PTPN1: variants seen among roughly 807,000 people sequenced by gnomAD.
PTPN1 encodes the protein tyrosine-protein phosphatase non-receptor type 1.
A neutral mutation model predicts 59.9 loss-of-function variants in PTPN1; 12 were observed. The observed-to-expected ratio is 0.20, with a 90% CI of 0.13 to 0.32. PTPN1 has a LOEUF of 0.32. PTPN1 is among the 10% of genes least tolerant of loss of function. The pLI is 1.00. For missense variants in PTPN1, 356 were observed against 549.2 expected (o/e 0.65, Z 3.52); for synonymous variants, 178 against 203.6 (o/e 0.87, Z 1.07).
At chr20:50,523,098 C>T (rs180808615) in intron 1 of PTPN1, among the ~76,000 whole-genome samples, 22 of 152,062 alleles carry the variant, frequency 1.4e-4, no homozygotes, top group African/African-American at 4.6e-4. Flanking sequence ...TATGCCTTAC[C>T]GTCTCAGATC....
At chr20:50,541,246 A>G (rs967303213) in intron 1 of PTPN1, among the ~76,000 whole-genome samples, 4 of 152,204 alleles carry the variant, frequency 2.6e-5, no homozygotes, top group Non-Finnish European at 4.4e-5. Context: ...TGACTTGGTC[A>G]CTGGTACTTT....
intron 1 of PTPN1, among the ~76,000 whole-genome samples, chr20:50,512,806 G>A (rs2082513157): frequency 6.6e-6 from 1 of 152,118 alleles, no homozygotes; most frequent in South Asian, 2.1e-4. Flanking sequence ...GGTGTGTATC[G>A]CTTTACCAAA....
At chr20:50,526,802 A>C (rs1049679591) in intron 1 of PTPN1, among the ~76,000 whole-genome samples, 1 of 151,512 alleles carries the variant, frequency 6.6e-6, no homozygotes, top group Admixed American at 6.6e-5. Context: ...CTGCCTCTCC[A>C]CTGTACTTGT....
intron 8 of PTPN1, among the ~76,000 whole-genome samples, chr20:50,580,776 GT>G (rs1568799001): frequency 6.6e-6 from 1 of 152,214 alleles, no homozygotes; most frequent in African/African-American, 2.4e-5. Context: ...TTGTGGCATT[GT>G]TTGTAGTAGT....
chr20:50,577,360 C>T (rs573376161), intron 5 of PTPN1: 6 of 152,344 alleles, frequency 3.9e-5, no homozygotes, highest in South Asian at 4.1e-4. Context: ...ATCAGCTGCT[C>T]GCCAGGTGGC....
At position 50,541,623 on chromosome 20, in the gene PTPN1, T is replaced by G. The variant is rs76214947; in HGVS notation, c.64-19740T>G. On this transcript the variant is annotated intron_variant, in intron 1 of 9. Coordinates refer to ENST00000371621, the MANE Select transcript of PTPN1 (RefSeq NM_002827.4). ...CGTAGTATGGCGTGAGCTTCCTCTC[T>G]CCTTTCTGACCTTTTGTGTGATGGC... Among the ~76,000 whole-genome samples the G allele has an allele frequency of 7.7e-3, 1,179 of 152,232 alleles. 8 individuals are homozygous for G. Among genetic ancestry groups the G allele is most frequent in the Non-Finnish European group, 0.012 (833 of 68,000 alleles).
chr20:50,544,655 A>G (rs2082666988), intron 1 of PTPN1, among the ~76,000 whole-genome samples: 1 of 152,212 alleles, frequency 6.6e-6, no homozygotes, highest in African/African-American at 2.4e-5. Context: ...CCACTGGGCC[A>G]GCGGGGCTCA....
intron 1 of PTPN1, among the ~76,000 whole-genome samples, chr20:50,547,373 C>CT (rs35446030): frequency 0.055 from 8,133 of 147,154 alleles, 254 homozygotes; most frequent in Non-Finnish European, 0.074. Context: ...TCTGCATTAA[C>CT]TTTTTTTTTT....
chr20:50,569,315 A>G lies in PTPN1; in HGVS notation c.354+837A>G, dbSNP rs115755510. ...CACTCTTGGAACTTTAGCCAGGACAAAGTTTTCTGTTTTTAGTTTCTTACC... is the reference window on the plus strand; with the variant it reads ...CACTCTTGGAACTTTAGCCAGGACAGAGTTTTCTGTTTTTAGTTTCTTACC... On this transcript the variant is annotated intron_variant, in intron 4 of 9. Transcript: ENST00000371621. 7.7e-3 allele frequency among the ~76,000 whole-genome samples: 1,179 copies of G among 152,242 alleles called. 12 individuals carry two copies. Among genetic ancestry groups the G allele is most frequent in the African/African-American group, 0.027 (1,132 of 41,528 alleles).
intron 1 of PTPN1, among the ~76,000 whole-genome samples, chr20:50,543,593 T>C (rs548650172): frequency 6.6e-6 from 1 of 152,304 alleles, no homozygotes; most frequent in South Asian, 2.1e-4. Flanking sequence ...ACACCAAGCA[T>C]AGTAGAACTG....
intron 1 of PTPN1, among the ~76,000 whole-genome samples, chr20:50,560,269 T>C (rs111591346): frequency 3.3e-5 from 5 of 152,254 alleles, no homozygotes; most frequent in African/African-American, 1.2e-4. Flanking sequence ...CTGCAGTTCA[T>C]AGACCTTCTG....
chr20:50,526,423 C>G (rs79902310), intron 1 of PTPN1, among the ~76,000 whole-genome samples: 2 of 151,974 alleles, frequency 1.3e-5, no homozygotes. Context: ...TTCCCTACTC[C>G]CCTTAGTTTA....
At chr20:50,544,716 C>T (rs6126040) in intron 1 of PTPN1, among the ~76,000 whole-genome samples, 109 of 152,282 alleles carry the variant, frequency 7.2e-4, no homozygotes, top group African/African-American at 2.4e-3. Flanking sequence ...TTCACATTGC[C>T]GTACCTGAGA....
intron 5 of PTPN1, 47 bp downstream of exon 5, chr20:50,574,701 A>G: frequency 1.3e-6 from 2 of 1,555,178 alleles, no homozygotes; most frequent in Non-Finnish European, 1.7e-6. Context: ...ACTGGTTCAC[A>G]TGCCTCTTCC....
intron 5 of PTPN1, among the ~76,000 whole-genome samples, chr20:50,577,254 CCTGGCACAGTGA>C (rs2082841291): frequency 6.6e-6 from 1 of 152,188 alleles, no homozygotes; most frequent in African/African-American, 2.4e-5. Context: ...CCCCCGCCTC[CCTGGCACAGTGA>C]CTGGCACATG....
intron 1 of PTPN1, among the ~76,000 whole-genome samples, chr20:50,548,452 G>A (rs151082797): frequency 7.8e-4 from 118 of 150,948 alleles, no homozygotes; most frequent in African/African-American, 2.8e-3. Flanking sequence ...ATTGAGACAG[G>A]GTCTTACTCT....
intron 1 of PTPN1, among the ~76,000 whole-genome samples, chr20:50,540,047 A>G (rs1275474644): frequency 6.6e-6 from 1 of 150,516 alleles, no homozygotes; most frequent in African/African-American, 2.4e-5. Flanking sequence ...TTTAAACTTC[A>G]TTTATTAAAA....
At chr20:50,514,557 G>A (rs1255044865) in intron 1 of PTPN1, among the ~76,000 whole-genome samples, 1 of 152,026 alleles carries the variant, frequency 6.6e-6, no homozygotes, top group Non-Finnish European at 1.5e-5. Context: ...ATAGAAATGG[G>A]GTTTTGCTGT....
intron 1 of PTPN1, among the ~76,000 whole-genome samples, chr20:50,514,633 G>C (rs2082521272): frequency 6.6e-6 from 1 of 152,118 alleles, no homozygotes; most frequent in African/African-American, 2.4e-5. Flanking sequence ...CCTGAAGTTG[G>C]GATTGCAGGC....
Sources: gnomAD v4.1 joint callset for allele counts (sites outside exome capture counted in the v4.1 genomes callset) on GRCh38, gnomAD v4.1.1 for gene constraint, MANE v1.5 for transcripts, NCBI Gene and HGNC (gene_info 2026-07-23, HGNC 2026-07-21) for gene names.